RBM48: variants seen among roughly 807,000 people sequenced by gnomAD.
The protein encoded by RBM48 is RNA-binding protein 48.
RBM48 carries 32 observed loss-of-function variants against 34.8 expected under a neutral mutation model. The observed-to-expected ratio is 0.92, with a 90% CI of 0.69 to 1.23. The LOEUF (loss-of-function observed/expected upper bound fraction) is 1.23. RBM48 is among the 50% of genes most tolerant of loss of function. The probability of loss-of-function intolerance (pLI) is 0.00; values close to 1 mark genes in which losing one functional copy is unlikely to be tolerated. For synonymous variants in RBM48, 151 were observed against 156.2 expected (o/e 0.97, Z 0.25); for missense variants, 441 against 447.2 (o/e 0.99, Z 0.12).
chr7:92,538,723 G>A lies in RBM48; in HGVS notation c.*1786G>A, dbSNP rs766191390. 6.6e-6 allele frequency among the ~76,000 whole-genome samples: 1 copy of A among 152,128 alleles called. No homozygotes were observed. Among genetic ancestry groups the A allele is most frequent in the Non-Finnish European group, 1.5e-5 (1 of 68,042 alleles). On this transcript the variant is annotated 3_prime_UTR_variant, in exon 5 of 5. Transcript: ENST00000265732. ...GGATCTTGTTAAAATGCAGATTCTG[G>A]TGGTGGTGGTGGCCAGGGGCTGTGG...
In RBM48 at chr7:92,537,005, ATTC is replaced by A; in HGVS notation, c.*72_*74del. 8.6e-7 allele frequency: 1 copy of A among 1,165,376 alleles called. No individual in the cohort carries two copies. Among genetic ancestry groups the A allele is most frequent in the South Asian group, 1.5e-5 (1 of 66,560 alleles). 72.2% of individuals were successfully genotyped at this position (1,165,376 alleles called of 1,614,324 possible). A position where few individuals can be genotyped will look rare whatever the true frequency, so the allele number is the denominator to read the frequency against. On this transcript the variant is annotated 3_prime_UTR_variant, in exon 5 of 5. Transcript: ENST00000265732. ...TATTTATTTTTAGCCTGTCATTTTA[ATTC>A]TTCAAGAGATTTTACTGCTGGTATT... is the stretch of plus-strand genomic sequence containing the variant.
Position 92,537,143 on chromosome 7 carries a change from C to T in RBM48, c.*206C>T, listed in dbSNP as rs186352110. The T allele has an allele frequency of 4.7e-4, 170 of 362,322 alleles. 1 individual carries two copies. The highest frequency in any genetic ancestry group is 2.5e-3 in the African/African-American group (117 of 46,008). 22.4% of individuals were successfully genotyped at this position (362,322 alleles called of 1,614,324 possible). A position where few individuals can be genotyped will look rare whatever the true frequency, so the allele number is the denominator to read the frequency against. ...TGTTGCCCAGGCTGGAATGCAGTGG[C>T]GTGATCTCGGCTCACTGCAACCTCC... On this transcript the variant is annotated 3_prime_UTR_variant, in exon 5 of 5. Transcript: ENST00000265732.
rs1339070316 is a variant in RBM48, at chr7:92,539,911, TCA to T, written c.*2975_*2976del. The stretch of plus-strand genomic sequence containing the variant: ...TTGACAGCAATTGTATTGAAAGAGA[TCA>T]AGTGTTCTAGCAGTTTGTGGTGTAC... On this transcript the variant is annotated 3_prime_UTR_variant, in exon 5 of 5. Transcript: ENST00000265732. 1.3e-5 allele frequency among the ~76,000 whole-genome samples: 2 copies of T among 152,206 alleles called. No individual in the cohort carries two copies. The highest frequency in any genetic ancestry group is 4.8e-5 in the African/African-American group (2 of 41,444).
At position 92,532,444 on chromosome 7, in the gene RBM48, G is replaced by A; in HGVS notation, c.343G>A (p.Gly115Arg). The change falls in exon 3 of 5, where the codon GGA becomes AGA. Residue 115 changes from glycine (G) to arginine (R), a missense_variant. Transcript: ENST00000265732. ...RKMDEQSFFG[G>R]LLHVCYAPEF... ...AATGGATGAACAGAGTTTCTTCGGT[G>A]GATTGCTTCATGTGTGCTATGCTCC... 1 of 1,612,014 alleles carries A rather than the reference G, an allele frequency of 6.2e-7. No individual in the cohort carries two copies. The highest frequency in any genetic ancestry group is 8.5e-7 in the Non-Finnish European group (1 of 1,178,548).
intron 3 of RBM48, among the ~76,000 whole-genome samples, chr7:92,533,967 TAAAAAA>T (rs768646005): frequency 1.2e-5 from 1 of 83,914 alleles, no homozygotes; most frequent in Admixed American, 1.3e-4. Context: ...TCTGAAATTG[TAAAAAA>T]AAAAAAAAAA....
chr7:92,534,346 AAAC>A, intron 3 of RBM48, 53 bp from the exon 4 acceptor site: 1 of 1,538,104 alleles, frequency 6.5e-7, no homozygotes, highest in South Asian at 1.2e-5. Context: ...TGAATGATGA[AAAC>A]AATAAACCAC....
Position 92,537,801 on chromosome 7 carries a change from T to C in RBM48, c.*864T>C, listed in dbSNP as rs576717627. ...GTCAGTGGATTACATAATTGGAAAT[T>C]TCAGTACATCTAGACTGTCTCTATT... is the stretch of plus-strand genomic sequence containing the variant. On this transcript the variant is annotated 3_prime_UTR_variant, in exon 5 of 5. Coordinates refer to ENST00000265732, the MANE Select transcript of RBM48 (RefSeq NM_032120.4). The C allele has an allele frequency of 6.6e-6, 1 of 152,326 alleles. No homozygotes were observed. The highest frequency in any genetic ancestry group is 2.1e-4 in the South Asian group (1 of 4,828). The allele number at this position is 152,326 out of a possible 1,614,324, so 9.4% of individuals were successfully genotyped here. A position where few individuals can be genotyped will look rare whatever the true frequency, so the allele number is the denominator to read the frequency against.
At chr7:92,536,043 G>T (rs1362210755) in intron 4 of RBM48, 2 of 471,988 alleles carry the variant, frequency 4.2e-6, no homozygotes, top group African/African-American at 4.2e-5. Flanking sequence ...AGGTGGAAGG[G>T]TACTTGAGTC....
chr7:92,534,805 C>T lies in RBM48; in HGVS notation c.852C>T (p.Arg284=), dbSNP rs368731732. The change falls in exon 4 of 5, where the codon CGC becomes CGT. Residue 284 remains arginine (R), a synonymous_variant. Coordinates refer to ENST00000265732, the MANE Select transcript of RBM48 (RefSeq NM_032120.4). ...FMPRTTQLQE[R]KRRREDDRKL... ...CTAGGACAACACAACTGCAGGAGCGCAAAAGAAGAAGAGAAGATGATCGTA... is the reference window on the plus strand; with the variant it reads ...CTAGGACAACACAACTGCAGGAGCGTAAAAGAAGAAGAGAAGATGATCGTA... The T allele has an allele frequency of 6.2e-7, 1 of 1,614,088 alleles. No homozygotes were observed. Among genetic ancestry groups the T allele is most frequent in the Non-Finnish European group, 8.5e-7 (1 of 1,180,016 alleles).
In RBM48 at chr7:92,536,928, A is replaced by G. The variant is rs745911841; in HGVS notation, c.1095A>G (p.Arg365=). Reference sequence around the variant, plus strand: ...CAAGTCATCCATTAAAACAAAGAAGAAGAATATAGAGTGCCAGCAGCAACT... The same window carrying G: ...CAAGTCATCCATTAAAACAAAGAAGGAGAATATAGAGTGCCAGCAGCAACT... The part of the protein sequence containing the change: ...VHTSHPLKQR[R]RI The change falls in exon 5 of 5, where the codon AGA becomes AGG. Residue 365 remains arginine (R), a synonymous_variant. Coordinates refer to ENST00000265732, the MANE Select transcript of RBM48 (RefSeq NM_032120.4). 5.6e-6 allele frequency: 9 copies of G among 1,599,806 alleles called. No homozygotes were observed.
intron 2 of RBM48, 146 bp downstream of exon 2, chr7:92,529,812 C>T: frequency 6.9e-6 from 4 of 575,546 alleles, no homozygotes. Context: ...TAAAAGTTAA[C>T]TTTACTGAAA....
At chr7:92,535,856 TG>T in intron 4 of RBM48, 1 of 977,450 alleles carries the variant, frequency 1.0e-6, no homozygotes, top group Non-Finnish European at 1.2e-6. Flanking sequence ...CAGTTTAGGC[TG>T]GGCCCAGTGC....
In RBM48 at chr7:92,534,595, C is replaced by T. The variant is rs376908850; in HGVS notation, c.642C>T (p.Ser214=). The change falls in exon 4 of 5, where the codon TCC becomes TCT. Residue 214 remains serine, a synonymous_variant. Transcript: ENST00000265732. ...CYFSSKCMCS[S]GGPVDRAPDS... The stretch of plus-strand genomic sequence containing the variant: ...TCTCCTCAAAATGTATGTGTTCATC[C>T]GGGGGACCTGTAGACAGAGCACCAG... The T allele has an allele frequency of 5.6e-6, 9 of 1,613,952 alleles. No individual in the cohort carries two copies. The highest frequency in any genetic ancestry group is 7.6e-6 in the Non-Finnish European group (9 of 1,180,008).
intron 2 of RBM48, 66 bp from the exon 3 acceptor site, chr7:92,532,338 C>T (rs1406107951): frequency 7.4e-7 from 1 of 1,346,942 alleles, no homozygotes; most frequent in Non-Finnish European, 1.0e-6. Flanking sequence ...ATATTGCATA[C>T]TAGTTAAGCT....
chr7:92,529,660 G>A lies in RBM48; in HGVS notation c.296G>A (p.Ser99Asn). 6.4e-7 allele frequency: 1 copy of A among 1,558,658 alleles called. No individual in the cohort carries two copies. Among genetic ancestry groups the A allele is most frequent in the Non-Finnish European group, 8.7e-7 (1 of 1,143,166 alleles). The part of the protein sequence containing the change: ...VYLIKFMNLQ[S>N]ARTAKRKMDE... ...CTTATTAAATTTATGAACTTACAAA[G>A]TGCAAGGTAATGTGCAAGTTAAGAA... Residue 99 changes from serine (S) to asparagine (N), a missense_variant, in exon 2 of 5, where the codon AGT becomes AAT. By Grantham distance (46) the Ser-to-Asn change is conservative. Transcript: ENST00000265732.
At chr7:92,532,288 A>G (rs1793593497) in intron 2 of RBM48, 116 bp from the exon 3 acceptor site, 3 of 800,860 alleles carry the variant, frequency 3.7e-6, no homozygotes, top group African/African-American at 3.5e-5. Flanking sequence ...CAGGATATAT[A>G]TACACGTAGC....
At position 92,534,733 on chromosome 7, in the gene RBM48, T is replaced by C; in HGVS notation, c.780T>C (p.Gly260=). Residue 260 remains glycine, a synonymous_variant, in exon 4 of 5, where the codon GGT becomes GGC. Coordinates refer to ENST00000265732, the MANE Select transcript of RBM48 (RefSeq NM_032120.4). ...TGAAAAACTCAGTGGCCTGCCCTGG[T>C]GCACAAAAGGCTATTACGTCTTCAG... is the stretch of plus-strand genomic sequence containing the variant. ...NSLKNSVACP[G]AQKAITSSEA... 6.2e-7 allele frequency: 1 copy of C among 1,614,196 alleles called. No individual in the cohort carries two copies. Among genetic ancestry groups the C allele is most frequent in the Non-Finnish European group, 8.5e-7 (1 of 1,180,024 alleles).
chr7:92,530,508 A>C (rs1286249524), intron 2 of RBM48, among the ~76,000 whole-genome samples: 1 of 147,848 alleles, frequency 6.8e-6, no homozygotes, highest in Non-Finnish European at 1.5e-5. Context: ...AAAAAAAAAA[A>C]ATTCTGGTTT....
rs1164708105 is a variant in RBM48, at chr7:92,538,367, T to G, written c.*1430T>G. Among the ~76,000 whole-genome samples, 1 of 152,192 alleles carries G rather than the reference T, an allele frequency of 6.6e-6. No homozygotes were observed. Among genetic ancestry groups the G allele is most frequent in the Admixed American group, 6.5e-5 (1 of 15,286 alleles). On this transcript the variant is annotated 3_prime_UTR_variant, in exon 5 of 5. Coordinates refer to ENST00000265732, the MANE Select transcript of RBM48 (RefSeq NM_032120.4). ...AATCTTTAACCTCAGGCCTGGTCAG[T>G]GGCGTCGGTTGGTTTTGCCACTGGC...
Sources: gnomAD v4.1 joint callset for allele counts (sites outside exome capture counted in the v4.1 genomes callset) on GRCh38, gnomAD v4.1.1 for gene constraint, MANE v1.5 for transcripts, NCBI Gene and HGNC (gene_info 2026-07-23, HGNC 2026-07-21) for gene names.